Variants in RUBCN observed in about 807,000 individuals in gnomAD.
The protein encoded by RUBCN is run domain Beclin-1-interacting and cysteine-rich domain-containing protein.
Under a neutral mutation model 113.2 loss-of-function variants are expected in RUBCN, and 74 were observed. The observed-to-expected ratio is 0.65, with a 90% CI of 0.54 to 0.79. The LOEUF is 0.79. Among genes scored for constraint, RUBCN ranks in the 30% least tolerant of loss-of-function variants. The pLI, the probability that RUBCN is intolerant of heterozygous loss-of-function variation, is 0.00. For missense variants in RUBCN, 1,109 were observed against 1,251.7 expected (o/e 0.89, Z 1.72); for synonymous variants, 480 against 490.0 (o/e 0.98, Z 0.27).
chr3:197,707,353 AAAATTGG>A (rs1377078704), intron 2 of RUBCN, among the ~76,000 whole-genome samples: 1 of 152,106 alleles, frequency 6.6e-6, no homozygotes, highest in African/African-American at 2.4e-5. Context: ...AAAAGCATGT[AAAATTGG>A]TTTCTTTTCT....
chr3:197,703,912 G>A (rs746727992), intron 4 of RUBCN, among the ~76,000 whole-genome samples: 2 of 152,176 alleles, frequency 1.3e-5, no homozygotes, highest in Non-Finnish European at 2.9e-5. Flanking sequence ...GGAGCCCTGT[G>A]GATTGGAAAC....
intron 1 of RUBCN, among the ~76,000 whole-genome samples, chr3:197,741,970 T>A (rs1728542325): frequency 6.6e-6 from 1 of 151,138 alleles, no homozygotes; most frequent in Non-Finnish European, 1.5e-5. Flanking sequence ...CAATCTTGGC[T>A]CACTGCAACC....
At chr3:197,710,455 C>T (rs1295356203) in intron 2 of RUBCN, among the ~76,000 whole-genome samples, 1 of 152,006 alleles carries the variant, frequency 6.6e-6, no homozygotes. Context: ...ACAAAATTAG[C>T]TGGGCATGGT....
intron 2 of RUBCN, among the ~76,000 whole-genome samples, chr3:197,706,218 A>T (rs1724283397): frequency 6.6e-6 from 1 of 152,204 alleles, no homozygotes; most frequent in Admixed American, 6.5e-5. Flanking sequence ...AGGCAAAGAA[A>T]TGCCCAGACC....
rs1002787348 is a variant in RUBCN at position 197,672,637 on chromosome 3, G to A, written c.*2381C>T. 2 of 152,260 alleles carry A rather than the reference G, an allele frequency of 1.3e-5. No homozygotes were observed. Among genetic ancestry groups the A allele is most frequent in the African/African-American group, 4.8e-5 (2 of 41,464 alleles). 9.4% of individuals were successfully genotyped at this position (152,260 alleles called of 1,614,324 possible). On this transcript the variant is annotated 3_prime_UTR_variant, in exon 20 of 20. Coordinates refer to ENST00000296343, the MANE Select transcript of RUBCN (RefSeq NM_014687.4). The stretch of plus-strand genomic sequence containing the variant: ...ATCCTATGCTGATGTGAAACAGGCA[G>A]GACAAGACGGCACATCTGTCCTCCA...
At position 197,704,573 on chromosome 3, in the gene RUBCN, C is replaced by T; in HGVS notation, c.432G>A (p.Gly144=). 6.2e-7 allele frequency: 1 copy of T among 1,614,144 alleles called. No individual in the cohort carries two copies. The highest frequency in any genetic ancestry group is 8.5e-7 in the Non-Finnish European group (1 of 1,180,024). The change falls in exon 4 of 20, where the codon GGG becomes GGA. Residue 144 remains glycine (G), a synonymous_variant. Coordinates refer to ENST00000296343, the MANE Select transcript of RUBCN (RefSeq NM_014687.4). ...CLSAQLRPLL[G]DRQYIRKFYT... ...AGAATTTTCTGATATACTGTCTATC[C>T]CCGAGCAGGGGCCGGAGCTGGGCTG...
chr3:197,682,469 C>T lies in RUBCN; in HGVS notation c.2126+1G>A, dbSNP rs1327355898. ...AAAGGGCACAGACACTGGCCACTCA[C>T]GTTGGGGCTGGATGAACATTAAAAA... On this transcript the variant is annotated splice_donor_variant, in intron 14 of 19. Coordinates refer to ENST00000296343, the MANE Select transcript of RUBCN (RefSeq NM_014687.4). LOFTEE classifies it high-confidence loss of function. 7 of 1,614,024 alleles carry T rather than the reference C, an allele frequency of 4.3e-6. No homozygotes were observed. Among genetic ancestry groups the T allele is most frequent in the South Asian group, 1.1e-5 (1 of 91,088 alleles).
chr3:197,713,136 G>C (rs901967596), intron 2 of RUBCN, among the ~76,000 whole-genome samples: 3 of 152,174 alleles, frequency 2.0e-5, no homozygotes, highest in African/African-American at 7.2e-5. Flanking sequence ...TGGGATTACA[G>C]GCATGAGCCA....
intron 1 of RUBCN, 95 bp downstream of exon 1, chr3:197,736,560 G>A: frequency 8.0e-7 from 1 of 1,253,562 alleles, no homozygotes; most frequent in South Asian, 1.3e-5. Context: ...GACTCGTCGC[G>A]CCCGGCCCTT....
At chr3:197,718,210 G>A (rs1411417105) in intron 1 of RUBCN, 80 bp from the exon 2 acceptor site, 16 of 1,522,742 alleles carry the variant, frequency 1.1e-5, no homozygotes, top group African/African-American at 1.4e-5. Flanking sequence ...AGTCTAAGCC[G>A]AGGAGCCTCC....
chr3:197,678,546 G>A (rs1255565931), intron 16 of RUBCN, among the ~76,000 whole-genome samples: 4 of 143,830 alleles, frequency 2.8e-5, no homozygotes, highest in South Asian at 4.5e-4. Context: ...ACTGTCCTAC[G>A]CTCTGACTGA....
rs555723517 is a variant in RUBCN at position 197,717,938 on chromosome 3, C to T, written c.219+39G>A. The T allele has an allele frequency of 1.0e-4, 166 of 1,611,442 alleles. 1 individual carries two copies. In the South Asian group the frequency reaches 1.1e-3, roughly 11 times the overall value. On this transcript the variant is annotated intron_variant, in intron 2 of 19. Coordinates refer to ENST00000296343, the MANE Select transcript of RUBCN (RefSeq NM_014687.4). ...AATGCGACTGTTTCTTTTCAACAAGCGAGTCAGCCAATCTGGCAAAAAAAG... is the reference window on the plus strand; with the variant it reads ...AATGCGACTGTTTCTTTTCAACAAGTGAGTCAGCCAATCTGGCAAAAAAAG...
In RUBCN at chr3:197,675,685, C is replaced by T. The variant is rs1720308033; in HGVS notation, c.2647-170G>A. Reference sequence around the variant, plus strand: ...CTAAACTAGGACCAGGGCCGGGCAGCGTTAGACAAAGCTTTAGGCAGAAGA... The same window carrying T: ...CTAAACTAGGACCAGGGCCGGGCAGTGTTAGACAAAGCTTTAGGCAGAAGA... On this transcript the variant is annotated intron_variant, in intron 18 of 19. Transcript: ENST00000296343. This position sits in a 1 kb window ranked among gnomAD's most constrained non-coding sequence, Gnocchi z 4.4. 6.6e-6 allele frequency among the ~76,000 whole-genome samples: 1 copy of T among 152,094 alleles called. No individual in the cohort carries two copies. Among genetic ancestry groups the T allele is most frequent in the African/African-American group, 2.4e-5 (1 of 41,402 alleles).
At chr3:197,741,161 G>A (rs1016611153), upstream of RUBCN, among the ~76,000 whole-genome samples, 2 of 152,130 alleles carry the variant, frequency 1.3e-5, no homozygotes, top group Admixed American at 6.5e-5. Flanking sequence ...TCTTAGTATG[G>A]TTTTGTTTTC....
intron 2 of RUBCN, among the ~76,000 whole-genome samples, chr3:197,708,011 T>G (rs1560444655): frequency 6.6e-6 from 1 of 152,082 alleles, no homozygotes; most frequent in Non-Finnish European, 1.5e-5. Flanking sequence ...AGCAGGTCTT[T>G]CCTTGCTACA....
intron 9 of RUBCN, among the ~76,000 whole-genome samples, chr3:197,694,935 A>C (rs1003155499): frequency 1.3e-5 from 2 of 152,244 alleles, no homozygotes; most frequent in Non-Finnish European, 2.9e-5. Flanking sequence ...TAGTCTATAA[A>C]ATGCTACACA....
intron 5 of RUBCN, among the ~76,000 whole-genome samples, chr3:197,702,876 G>A (rs967683382): frequency 4.6e-5 from 7 of 151,934 alleles, no homozygotes; most frequent in African/African-American, 9.7e-5. Context: ...AACTGACCCC[G>A]TGTAACATTA....
intron 1 of RUBCN, among the ~76,000 whole-genome samples, chr3:197,733,985 G>A (rs1332901351): frequency 6.6e-6 from 1 of 152,164 alleles, no homozygotes; most frequent in Non-Finnish European, 1.5e-5. Context: ...GCCGGGCACG[G>A]TGGTTCACGC....
At chr3:197,745,276 T>C (rs13091775) in intron 1 of RUBCN, among the ~76,000 whole-genome samples, 119,178 of 143,150 alleles carry the variant, frequency 0.83, 50,267 homozygotes, top group East Asian at 0.99. Context: ...CAGAGAGAGA[T>C]GCTGTCTCAA....
Sources: gnomAD v4.1 joint callset for allele counts (sites outside exome capture counted in the v4.1 genomes callset) on GRCh38, gnomAD v4.1.1 for gene constraint, Gnocchi (gnomAD v3.1) non-coding constraint, MANE v1.5 for transcripts, NCBI Gene and HGNC (gene_info 2026-07-23, HGNC 2026-07-21) for gene names.